HERC2: variants seen among roughly 807,000 people sequenced by gnomAD.
The protein encoded by HERC2 is E3 ubiquitin-protein ligase HERC2.
In HERC2, 102 loss-of-function variants were observed where a neutral mutation model predicts 537.7. The observed-to-expected ratio is 0.19, with a 90% confidence interval of 0.16 to 0.22. The LOEUF (loss-of-function observed/expected upper bound fraction) is 0.22, where lower values mean the gene tolerates loss of function less well. Ranked by LOEUF, HERC2 falls within the 10% of genes least tolerant of loss-of-function variation. The pLI is 1.00. For missense variants in HERC2, 4,236 were observed against 6,198.2 expected (o/e 0.68, Z 10.63); for synonymous variants, 2,224 against 2,466.2 (o/e 0.90, Z 2.91).
intron 9 of HERC2, 78 bp downstream of exon 9, chr15:28,272,137 G>T: frequency 3.1e-6 from 4 of 1,292,562 alleles, no homozygotes; most frequent in Non-Finnish European, 4.3e-6. Context: ...CACTGCCGTT[G>T]ACATGCATGC....
chr15:28,315,519 C>T (rs546056880), intron 2 of HERC2: 17 of 393,882 alleles, frequency 4.3e-5, no homozygotes, highest in African/African-American at 2.3e-4. Flanking sequence ...TATTAACAGC[C>T]GGGCACGGTT....
At chr15:28,261,069 T>C (rs566082863) in intron 15 of HERC2, 99 bp from the exon 16 acceptor site, 2 of 811,896 alleles carry the variant, frequency 2.5e-6, no homozygotes, top group Admixed American at 5.5e-5. Flanking sequence ...CTTTTAACAT[T>C]AACTTCTTGA....
rs917859359 is a variant in HERC2, at chr15:28,257,933, C to T, written c.2317-672G>A. The stretch of plus-strand genomic sequence containing the variant: ...TCACCTGACCTCATGATCTGCCCGC[C>T]TCAGCCTCCCAAAGTGCTGGAATTA... On this transcript the variant is annotated intron_variant, in intron 16 of 92. Transcript: ENST00000261609. Among the ~76,000 whole-genome samples the T allele has an allele frequency of 7.9e-5, 12 of 151,938 alleles. 1 individual carries two copies. The highest frequency in any genetic ancestry group is 1.9e-4 in the African/African-American group (8 of 41,368).
At chr15:28,215,020 A>C (rs1431944848) in intron 39 of HERC2, among the ~76,000 whole-genome samples, 1 of 151,876 alleles carries the variant, frequency 6.6e-6, no homozygotes, top group Non-Finnish European at 1.5e-5. Context: ...GATTACAGGC[A>C]CCCACCACCA....
intron 86 of HERC2, among the ~76,000 whole-genome samples, chr15:28,120,578 A>T (rs574343245): frequency 6.6e-6 from 1 of 152,378 alleles, no homozygotes; most frequent in South Asian, 2.1e-4. Flanking sequence ...GTATACATTT[A>T]GAAATGGTCT....
chr15:28,191,334 CAT>C (rs1384328006), intron 53 of HERC2, 90 bp from the exon 54 acceptor site: 2 of 788,286 alleles, frequency 2.5e-6, no homozygotes, highest in Non-Finnish European at 4.2e-6. Context: ...CTTGAATCTA[CAT>C]GAGATTTTTT....
At chr15:28,307,645 T>C (rs1156312412) in intron 2 of HERC2, among the ~76,000 whole-genome samples, 1 of 152,236 alleles carries the variant, frequency 6.6e-6, no homozygotes, top group Non-Finnish European at 1.5e-5. Flanking sequence ...CATGTGTTGG[T>C]GGAGTTTCCA....
chr15:28,162,993 C>T (rs1378084986), intron 69 of HERC2, 101 bp downstream of exon 69: 9 of 1,015,588 alleles, frequency 8.9e-6, no homozygotes, highest in Admixed American at 2.2e-5. Context: ...TGAAACCCAG[C>T]ACAAGATCAC....
rs140836045 is a variant in HERC2, at chr15:28,174,025, C to T, written c.10057+370G>A. ...ACATATTCCAAAGTCAATCAAAATG[C>T]ATACTTTAAATAGGTGCAGTTTATT... On this transcript the variant is annotated intron_variant, in intron 65 of 92. Coordinates refer to ENST00000261609, the MANE Select transcript of HERC2 (RefSeq NM_004667.6). 7.6e-3 allele frequency among the ~76,000 whole-genome samples: 1,130 copies of T among 149,410 alleles called. 5 individuals are homozygous for T. Among genetic ancestry groups the T allele is most frequent in the African/African-American group, 0.028 (1,079 of 38,896 alleles).
chr15:28,114,575 A>G (rs1566905561), intron 90 of HERC2, 37 bp downstream of exon 90: 2 of 1,590,232 alleles, frequency 1.3e-6, no homozygotes, highest in Non-Finnish European at 1.7e-6. Flanking sequence ...TACTTTTGCT[A>G]TTTATGTCAA....
At chr15:28,141,297 C>T in intron 78 of HERC2, 135 bp downstream of exon 78, 1 of 642,816 alleles carries the variant, frequency 1.6e-6, no homozygotes, top group Non-Finnish European at 2.7e-6. Flanking sequence ...CTAGCTGCTT[C>T]CTGCATACCA....
chr15:28,152,755 A>G lies in HERC2; in HGVS notation c.10822T>C (p.Ser3608Pro). The stretch of plus-strand genomic sequence containing the variant: ...CTCTCCACCACCACAGGCTGAGAAG[A>G]GAGGCGGCCGCTCTGCGAGTCTGTG... The part of the protein sequence containing the change: ...VATDSQSGRL[S>P]SQPVVVESSH... The change falls in exon 70 of 93, where the codon TCT becomes CCT. Residue 3608 changes from serine (S) to proline (P), a missense_variant. Physicochemically the swap from Ser to Pro is moderately conservative, Grantham distance 74 (BLOSUM62 -1). Coordinates refer to ENST00000261609, the MANE Select transcript of HERC2 (RefSeq NM_004667.6). 2 of 1,552,508 alleles carry G rather than the reference A, an allele frequency of 1.3e-6. No homozygotes were observed. Among genetic ancestry groups the G allele is most frequent in the South Asian group, 2.4e-5 (2 of 84,146 alleles).
Position 28,132,827 on chromosome 15 carries a change from C to T in HERC2, c.12234G>A (p.Pro4078=), listed in dbSNP as rs767672342. The T allele has an allele frequency of 1.6e-5, 25 of 1,536,326 alleles. No homozygotes were observed. The East Asian group carries it at 2.7e-4, about 16-fold the overall frequency. The change falls in exon 80 of 93, where the codon CCG becomes CCA. Residue 4078 remains proline, a synonymous_variant. Coordinates refer to ENST00000261609, the MANE Select transcript of HERC2 (RefSeq NM_004667.6). ...DGKLGHGNRS[P]CDRPRVIESL... is the part of the protein sequence containing the mutation. ...ACTCGATGACACGAGGGCGGTCACA[C>T]GGACTGCAAAAAAGTCACCAAATAT...
At chr15:28,114,933 C>T in intron 89 of HERC2, 131 bp from the exon 90 acceptor site, 2 of 677,444 alleles carry the variant, frequency 3.0e-6, no homozygotes, top group South Asian at 1.8e-5. Flanking sequence ...GCTGCAAGTG[C>T]ATGGCACACA....
chr15:28,196,666 T>C, intron 50 of HERC2, 97 bp from the exon 51 acceptor site: 2 of 671,730 alleles, frequency 3.0e-6, no homozygotes, highest in Non-Finnish European at 5.3e-6. Context: ...ACATTGTAGT[T>C]ATTTGTTTTT....
chr15:28,312,411 C>CT (rs1460485901), intron 2 of HERC2, among the ~76,000 whole-genome samples: 2 of 152,300 alleles, frequency 1.3e-5, no homozygotes, highest in African/African-American at 4.8e-5. Context: ...GACAGAAGAA[C>CT]TGCTTGAGGC....
intron 70 of HERC2, among the ~76,000 whole-genome samples, chr15:28,148,037 C>CAA (rs539057001): frequency 4.3e-5 from 4 of 93,762 alleles, no homozygotes; most frequent in South Asian, 3.4e-4. Flanking sequence ...ACTGTGTCTC[C>CAA]AAAAAAAAAA....
In HERC2 at chr15:28,113,532, A is replaced by G. The variant is rs771944778; in HGVS notation, c.14019+41T>C. On this transcript the variant is annotated intron_variant, in intron 91 of 92. Transcript: ENST00000261609. This position sits in a 1 kb window ranked among gnomAD's most constrained non-coding sequence, Gnocchi z 7.0. ...TCACTGATTTGTGGGTCAGCAGGCA[A>G]AAGGCAGCTGCAGGGCAGCCCCACC... 1.9e-6 allele frequency: 3 copies of G among 1,549,038 alleles called. No homozygotes were observed. The highest frequency in any genetic ancestry group is 1.4e-5 in the African/African-American group (1 of 73,664).
intron 47 of HERC2, 30 bp downstream of exon 47, chr15:28,202,083 G>A (rs777229600): frequency 7.3e-6 from 9 of 1,233,946 alleles, no homozygotes. Context: ...CAGCGGCCCA[G>A]GTGCGGGCGG....
Sources: allele counts gnomAD v4.1 joint callset (sites outside exome capture counted in the v4.1 genomes callset), GRCh38; gene constraint gnomAD v4.1.1; non-coding constraint Gnocchi (gnomAD v3.1); transcripts MANE v1.5; gene names NCBI Gene and HGNC (gene_info 2026-07-23, HGNC 2026-07-21).